FCSK: variants seen among roughly 807,000 people sequenced by gnomAD.
The protein encoded by FCSK is L-fucose kinase.
FCSK carries 123 observed loss-of-function variants against 122.5 expected under a neutral mutation model. The ratio of observed to expected loss-of-function variants is 1.00; its 90% CI spans 0.87 to 1.17. The LOEUF is 1.17. Ranked by LOEUF, FCSK falls within the 50% of genes most tolerant of loss-of-function variation. The pLI, the probability that FCSK is intolerant of heterozygous loss-of-function variation, is 0.00. For synonymous variants in FCSK, 620 were observed against 625.5 expected (o/e 0.99, Z 0.13); for missense variants, 1,366 against 1,450.4 (o/e 0.94, Z 0.95).
chr16:70,475,556 C>A, intron 19 of FCSK, 63 bp downstream of exon 19: 1 of 1,588,726 alleles, frequency 6.3e-7, no homozygotes. Flanking sequence ...TGCCTGTGAT[C>A]CCCCTTCCTG....
Position 70,479,283 on chromosome 16 carries a change from C to T in FCSK, c.3033C>T (p.Val1011=). The change falls in exon 23 of 24, where the codon GTC becomes GTT. Residue 1011 remains valine (V), a synonymous_variant. Transcript: ENST00000288078. ...EPLTVRRMMD[V]LAPHVHGQSL... ...TGACTGTGCGGCGTATGATGGATGT[C>T]CTGGCCCCCCACGTGCATGGCCAGA... 1 of 1,614,020 alleles carries T rather than the reference C, an allele frequency of 6.2e-7. No individual in the cohort carries two copies. Among genetic ancestry groups the T allele is most frequent in the African/African-American group, 1.3e-5 (1 of 75,068 alleles).
intron 5 of FCSK, 32 bp from the exon 6 acceptor site, chr16:70,466,850 A>G: frequency 6.2e-7 from 1 of 1,600,882 alleles, no homozygotes; most frequent in Non-Finnish European, 8.5e-7. Flanking sequence ...TGGGCCAGGC[A>G]CCAGCTGTGT....
intron 1 of FCSK, among the ~76,000 whole-genome samples, chr16:70,456,076 A>G (rs1206045282): frequency 6.6e-6 from 1 of 152,094 alleles, no homozygotes; most frequent in East Asian, 1.9e-4. Flanking sequence ...GGAGGCTGGG[A>G]TGGGAGGATC....
Position 70,463,713 on chromosome 16 carries a change from G to A in FCSK, c.173G>A (p.Gly58Glu). 1 of 1,612,790 alleles carries A rather than the reference G, an allele frequency of 6.2e-7. No individual in the cohort carries two copies. Among genetic ancestry groups the A allele is most frequent in the South Asian group, 1.1e-5 (1 of 91,048 alleles). ...CCAGAGAAGCGTGTGGGCAGCGGAG[G>A]AGCCACCCTCAACGCCCTGCTGGTG... ...EDPEKRVGSG[G>E]ATLNALLVAA... Residue 58 changes from glycine to glutamate, a missense_variant, in exon 3 of 24, where the codon GGA becomes GAA. Transcript: ENST00000288078.
rs770111489 is a variant in FCSK at position 70,469,147 on chromosome 16, C to T, written c.784-5C>T. 2 of 1,614,060 alleles carry T rather than the reference C, an allele frequency of 1.2e-6. No homozygotes were observed. Among genetic ancestry groups the T allele is most frequent in the Non-Finnish European group, 1.7e-6 (2 of 1,180,030 alleles). ...CAATAGCTGTGCTTCTTCCCCTTCC[C>T]CTAGCTGTCTCTGTTTTTTGACATT... On this transcript the variant is annotated splice_region_variant and splice_polypyrimidine_tract_variant and intron_variant, in intron 9 of 23. Transcript: ENST00000288078.
At chr16:70,455,254 A>C (rs1284419001) in intron 1 of FCSK, among the ~76,000 whole-genome samples, 2 of 152,186 alleles carry the variant, frequency 1.3e-5, no homozygotes, top group Non-Finnish European at 2.9e-5. Flanking sequence ...ACCCTATCCC[A>C]GTCTTGGACA....
In FCSK at chr16:70,473,244, T is replaced by TAAGGCGCGGCACGTGCTG; in HGVS notation, c.1669_1686dup (p.Lys557_Leu562dup). 1 of 1,534,678 alleles carries TAAGGCGCGGCACGTGCTG rather than the reference T, an allele frequency of 6.5e-7. No individual in the cohort carries two copies. Among genetic ancestry groups the TAAGGCGCGGCACGTGCTG allele is most frequent in the Non-Finnish European group, 8.7e-7 (1 of 1,145,370 alleles). The stretch of plus-strand genomic sequence containing the variant: ...ACCTGTTCTTCCGCCAGGCCCTGCA[T>TAAGGCGCGGCACGTGCTG]AAGGCGCGGCACGTGCTGGAGGCCC... On this transcript the variant is annotated inframe_insertion, in exon 15 of 24. Coordinates refer to ENST00000288078, the MANE Select transcript of FCSK (RefSeq NM_145059.3). The surrounding 1 kb of genome is among the most constrained non-coding windows in gnomAD (Gnocchi z 4.9).
intron 1 of FCSK, 60 bp from the exon 2 acceptor site, chr16:70,463,109 A>C: frequency 2.1e-6 from 2 of 949,314 alleles, no homozygotes; most frequent in Non-Finnish European, 3.3e-6. Flanking sequence ...ATATAAAATT[A>C]ATTACTTTTA....
Position 70,471,057 on chromosome 16 carries a change from G to A in FCSK, c.1155G>A (p.Gln385=). ...AGCTGGGTCCTGGGAGCGTCCTGCA[G>A]CACTGCCACCTGCAGGTGAGGCCTG... ...PVQLGPGSVL[Q]HCHLQGPIHI... is the part of the protein sequence containing the mutation. The change falls in exon 12 of 24, where the codon CAG becomes CAA. Residue 385 remains glutamine, a synonymous_variant. Transcript: ENST00000288078. 1.2e-6 allele frequency: 2 copies of A among 1,601,822 alleles called. No homozygotes were observed. Among genetic ancestry groups the A allele is most frequent in the Non-Finnish European group, 1.7e-6 (2 of 1,176,554 alleles).
chr16:70,479,860 T>C lies in FCSK; in HGVS notation c.*180T>C, dbSNP rs916847346. The C allele has an allele frequency of 1.9e-5, 11 of 565,236 alleles. No homozygotes were observed. The highest frequency in any genetic ancestry group is 1.7e-4 in the East Asian group (6 of 34,362). The allele number at this position is 565,236 out of a possible 1,614,324, so 35.0% of individuals were successfully genotyped here. A position where few individuals can be genotyped will look rare whatever the true frequency, so the allele number is the denominator to read the frequency against. On this transcript the variant is annotated 3_prime_UTR_variant, in exon 24 of 24. Coordinates refer to ENST00000288078, the MANE Select transcript of FCSK (RefSeq NM_145059.3). ...TGCCTGGGACAGGACTGTGACCTGGTGGACAGGGGCCTAGATGTAGCCTCT... is the reference window on the plus strand; with the variant it reads ...TGCCTGGGACAGGACTGTGACCTGGCGGACAGGGGCCTAGATGTAGCCTCT...
chr16:70,467,878 G>T lies in FCSK; in HGVS notation c.583-8G>T, dbSNP rs766470901. ...CCCTCCGCTGATTCTGTTTCTCCCTGCACATAGGGCCTTGTTTTGGACATT... is the reference window on the plus strand; with the variant it reads ...CCCTCCGCTGATTCTGTTTCTCCCTTCACATAGGGCCTTGTTTTGGACATT... On this transcript the variant is annotated splice_polypyrimidine_tract_variant and splice_region_variant and intron_variant, in intron 7 of 23. Coordinates refer to ENST00000288078, the MANE Select transcript of FCSK (RefSeq NM_145059.3). 6.2e-7 allele frequency: 1 copy of T among 1,613,284 alleles called. No homozygotes were observed. Among genetic ancestry groups the T allele is most frequent in the Non-Finnish European group, 8.5e-7 (1 of 1,179,238 alleles).
chr16:70,478,625 G>A lies in FCSK; in HGVS notation c.2904G>A (p.Glu968=). The part of the protein sequence containing the change: ...QNAHSLVRQT[E]ECAEGFRQGS... Reference sequence around the variant, plus strand: ...CCCACAGCCTGGTACGGCAAACTGAGGAGTGTGCTGAAGGCTTCCGCCAAG... The same window carrying A: ...CCCACAGCCTGGTACGGCAAACTGAAGAGTGTGCTGAAGGCTTCCGCCAAG... Residue 968 remains glutamate (E), a synonymous_variant, in exon 22 of 24, where the codon GAG becomes GAA. Transcript: ENST00000288078. 1.2e-6 allele frequency: 2 copies of A among 1,613,740 alleles called. No individual in the cohort carries two copies. The highest frequency in any genetic ancestry group is 1.3e-5 in the African/African-American group (1 of 75,070).
At chr16:70,471,867 G>A (rs1318267500) in intron 13 of FCSK, among the ~76,000 whole-genome samples, 3 of 148,088 alleles carry the variant, frequency 2.0e-5, no homozygotes, top group Non-Finnish European at 3.0e-5. Context: ...GTGCAGTGGC[G>A]CAATCTTGGC....
At position 70,474,542 on chromosome 16, in the gene FCSK, T is replaced by C; in HGVS notation, c.2003T>C (p.Val668Ala). The change falls in exon 17 of 24, where the codon GTG becomes GCG. Residue 668 changes from valine (V) to alanine (A), a missense_variant. Coordinates refer to ENST00000288078, the MANE Select transcript of FCSK (RefSeq NM_145059.3). Reference protein sequence around the residue: ...DKWLSRPALLVRAARHYEGAG... With the variant: ...DKWLSRPALLARAARHYEGAG... The stretch of plus-strand genomic sequence containing the variant: ...TCTCTTGGCAGGCCAGCCTTGCTGG[T>C]GCGAGCGGCCCGCCACTATGAGGGG... The C allele has an allele frequency of 6.5e-7, 1 of 1,547,706 alleles. No homozygotes were observed. Among genetic ancestry groups the C allele is most frequent in the Non-Finnish European group, 8.7e-7 (1 of 1,147,098 alleles).
chr16:70,479,268 G>A lies in FCSK; in HGVS notation c.3018G>A (p.Arg1006=). 6.2e-7 allele frequency: 1 copy of A among 1,614,012 alleles called. No individual in the cohort carries two copies. Among genetic ancestry groups the A allele is most frequent in the Non-Finnish European group, 8.5e-7 (1 of 1,180,048 alleles). The change falls in exon 23 of 24, where the codon CGG becomes CGA. Residue 1006 remains arginine (R), a synonymous_variant. Transcript: ENST00000288078. ...MAPGCEPLTV[R]RMMDVLAPHV... ...CAGGCTGTGAGCCCCTGACTGTGCG[G>A]CGTATGATGGATGTCCTGGCCCCCC...
At chr16:70,458,025 A>G (rs980091633) in intron 1 of FCSK, 1 of 151,272 alleles carries the variant, frequency 6.6e-6, no homozygotes, top group African/African-American at 2.4e-5. Flanking sequence ...TGAAGTGGAG[A>G]TAATAGGAGA....
At chr16:70,467,047 GC>G in intron 6 of FCSK, 93 bp downstream of exon 6, 1 of 1,167,134 alleles carries the variant, frequency 8.6e-7, no homozygotes, top group Non-Finnish European at 1.3e-6. Context: ...CTCTGGGCCT[GC>G]CCCGCTGCCC....
chr16:70,473,865 G>T lies in FCSK; in HGVS notation c.1778-264G>T, dbSNP rs933417465. Among the ~76,000 whole-genome samples, 1 of 152,188 alleles carries T rather than the reference G, an allele frequency of 6.6e-6. No individual in the cohort carries two copies. The highest frequency in any genetic ancestry group is 1.5e-5 in the Non-Finnish European group (1 of 68,026). On this transcript the variant is annotated intron_variant, in intron 15 of 23. Transcript: ENST00000288078. This position sits in a 1 kb window ranked among gnomAD's most constrained non-coding sequence, Gnocchi z 4.9. ...TGAGGCTGAGACCTGAGCCCAGGTG[G>T]TTTGAGCCCAGAGCCTGAGCTCTTC...
At position 70,466,891 on chromosome 16, in the gene FCSK, G is replaced by C; in HGVS notation, c.421G>C (p.Gly141Arg). 6.2e-7 allele frequency: 1 copy of C among 1,613,620 alleles called. No homozygotes were observed. The highest frequency in any genetic ancestry group is 8.5e-7 in the Non-Finnish European group (1 of 1,179,964). ...LDIMTYRLGP[G>R]SPPGVWVCST... ...CTCCTTCCCCCCACAGCTGGGCCCG[G>C]GCTCCCCGCCAGGCGTGTGGGTCTG... The change falls in exon 6 of 24, where the codon GGC (glycine) becomes CGC (arginine). Residue 141 changes from glycine (G) to arginine (R), a missense_variant. Gly to Arg is a moderately radical substitution (Grantham distance 125, BLOSUM62 -2). Coordinates refer to ENST00000288078, the MANE Select transcript of FCSK (RefSeq NM_145059.3).
Sources: allele counts gnomAD v4.1 joint callset (sites outside exome capture counted in the v4.1 genomes callset), GRCh38; gene constraint gnomAD v4.1.1; non-coding constraint Gnocchi (gnomAD v3.1); transcripts MANE v1.5; gene names NCBI Gene and HGNC (gene_info 2026-07-23, HGNC 2026-07-21).